NRP2: variants seen among roughly 807,000 people sequenced by gnomAD.
The protein encoded by NRP2 is neuropilin 2, also known as neuropilin-2.
In NRP2, 52 loss-of-function variants were observed where a neutral mutation model predicts 110.4. The ratio of observed to expected loss-of-function variants is 0.47; its 90% CI spans 0.38 to 0.59. The LOEUF (loss-of-function observed/expected upper bound fraction) is 0.59, where lower values mean the gene tolerates loss of function less well. NRP2 is among the 20% of genes least tolerant of loss of function. The pLI is 0.00. For synonymous variants in NRP2, 508 were observed against 468.9 expected (o/e 1.08, Z -1.08); for missense variants, 1,049 against 1,203.0 (o/e 0.87, Z 1.89).
intron 15 of NRP2, chr2:205,776,294 T>C (rs746542729): frequency 1.9e-6 from 3 of 1,613,268 alleles, no homozygotes; most frequent in Non-Finnish European, 2.5e-6. Flanking sequence ...ACGGTGCCCA[T>C]GCAGCCCATC....
chr2:205,795,187 G>A lies in NRP2; in HGVS notation c.*129G>A. The A allele has an allele frequency of 1.0e-6, 1 of 976,280 alleles. No individual in the cohort carries two copies. Among genetic ancestry groups the A allele is most frequent in the Non-Finnish European group, 1.6e-6 (1 of 636,274 alleles). The allele number at this position is 976,280 out of a possible 1,614,324, so 60.5% of individuals were successfully genotyped here. A position where few individuals can be genotyped will look rare whatever the true frequency, so the allele number is the denominator to read the frequency against. ...AACCGATCCAGAATACCGAAGGTAT[G>A]GACAGGACAGAAAAGCGAGTCGCAG... is the stretch of plus-strand genomic sequence containing the variant. On this transcript the variant is annotated 3_prime_UTR_variant, in exon 17 of 17. Coordinates refer to ENST00000357785, the MANE Select transcript of NRP2 (RefSeq NM_003872.3).
chr2:205,733,413 T>C (rs1021739312), intron 7 of NRP2, among the ~76,000 whole-genome samples: 1 of 152,162 alleles, frequency 6.6e-6, no homozygotes, highest in African/African-American at 2.4e-5. Context: ...TGTGGAATCA[T>C]GTTCCTTGCC....
chr2:205,757,869 A>G (rs1014935033), intron 12 of NRP2, among the ~76,000 whole-genome samples: 7 of 151,066 alleles, frequency 4.6e-5, no homozygotes, highest in Admixed American at 2.6e-4. Context: ...GCAGAAAAAA[A>G]TAACAGCAGG....
chr2:205,743,337 C>T lies in NRP2; in HGVS notation c.1426C>T (p.Pro476Ser), dbSNP rs546952277. The T allele has an allele frequency of 6.2e-7, 1 of 1,614,228 alleles. No individual in the cohort carries two copies. Among genetic ancestry groups the T allele is most frequent in the South Asian group, 1.1e-5 (1 of 91,084 alleles). The change falls in exon 9 of 17, where the codon CCT becomes TCT. Residue 476 changes from proline (P) to serine (S), a missense_variant. Coordinates refer to ENST00000357785, the MANE Select transcript of NRP2 (RefSeq NM_003872.3). ...GGTTAGCAGCCGCTCGGGCTGGTTC[C>T]CTCGAATCCCTCAGGCCCAGCCCGG... ...RLVSSRSGWF[P>S]RIPQAQPGEE...
intron 14 of NRP2, among the ~76,000 whole-genome samples, chr2:205,766,115 G>A (rs2057913495): frequency 6.6e-6 from 1 of 152,180 alleles, no homozygotes; most frequent in South Asian, 2.1e-4. Context: ...GTTGTTGTAG[G>A]ATTAAACATT....
At chr2:205,737,677 C>T (rs937833411) in intron 7 of NRP2, among the ~76,000 whole-genome samples, 3 of 152,198 alleles carry the variant, frequency 2.0e-5, no homozygotes, top group Non-Finnish European at 1.5e-5. Context: ...GGCTTGGAAA[C>T]GTGAAGGGTA....
chr2:205,749,971 G>A, intron 11 of NRP2, 130 bp downstream of exon 11: 1 of 763,812 alleles, frequency 1.3e-6, no homozygotes, highest in Non-Finnish European at 2.3e-6. Flanking sequence ...TGGTAAGAGA[G>A]GTGGGGGCAC....
intron 2 of NRP2, 26 bp downstream of exon 2, chr2:205,697,747 T>G: frequency 6.2e-7 from 1 of 1,608,908 alleles, no homozygotes; most frequent in Non-Finnish European, 8.5e-7. Flanking sequence ...TCCCACTGTG[T>G]ATCCCATCCA....
intron 15 of NRP2, among the ~76,000 whole-genome samples, chr2:205,770,431 G>T (rs150810997): frequency 2.8e-4 from 42 of 152,020 alleles, no homozygotes; most frequent in African/African-American, 9.7e-4. Context: ...CTATTCCTTA[G>T]GCTTTAAGTT....
rs574686037 is a variant in NRP2 at position 205,763,454 on chromosome 2, G to A, written c.2045-220G>A. ...AAATGATACCGAGAAATAGGCAGGAGGGACCGATTTGACTTAGAGACTCTT... is the reference window on the plus strand; with the variant it reads ...AAATGATACCGAGAAATAGGCAGGAAGGACCGATTTGACTTAGAGACTCTT... On this transcript the variant is annotated intron_variant, in intron 12 of 16. Transcript: ENST00000357785. This position sits in a 1 kb window ranked among gnomAD's most constrained non-coding sequence, Gnocchi z 4.0. 2.6e-5 allele frequency among the ~76,000 whole-genome samples: 4 copies of A among 152,216 alleles called. No individual in the cohort carries two copies. The highest frequency in any genetic ancestry group is 2.1e-4 in the South Asian group (1 of 4,786).
chr2:205,737,292 C>G (rs963225776), intron 7 of NRP2, among the ~76,000 whole-genome samples: 1 of 152,164 alleles, frequency 6.6e-6, no homozygotes, highest in Non-Finnish European at 1.5e-5. Flanking sequence ...CTAAAGTGCC[C>G]TGTTGCAAAA....
At position 205,722,514 on chromosome 2, in the gene NRP2, A is replaced by G. The variant is rs547293929; in HGVS notation, c.470A>G (p.Asn157Ser). 5.6e-6 allele frequency: 9 copies of G among 1,614,090 alleles called. No homozygotes were observed. Among genetic ancestry groups the G allele is most frequent in the African/African-American group, 1.3e-5 (1 of 74,934 alleles). Residue 157 changes from asparagine (N) to serine (S), a missense_variant, in exon 4 of 17, where the codon AAC becomes AGC. Physicochemically the swap from Asn to Ser is conservative, Grantham distance 46. Transcript: ENST00000357785. ...TGCTCAAAAAACTTCACAAGCCCCA[A>G]CGGGACCATCGAATCTCCTGGGTTT... The part of the protein sequence containing the change: ...EDCSKNFTSP[N>S]GTIESPGFPE...
Position 205,686,302 on chromosome 2 carries a change from G to A in NRP2, c.73+2939G>A, listed in dbSNP as rs2056161724. Among the ~76,000 whole-genome samples, 1 of 152,136 alleles carries A rather than the reference G, an allele frequency of 6.6e-6. No individual in the cohort carries two copies. The highest frequency in any genetic ancestry group is 2.4e-5 in the African/African-American group (1 of 41,426). On this transcript the variant is annotated intron_variant, in intron 1 of 16. Coordinates refer to ENST00000357785, the MANE Select transcript of NRP2 (RefSeq NM_003872.3). The surrounding 1 kb of genome is among the most constrained non-coding windows in gnomAD (Gnocchi z 4.7). ...AACGCTGCCCTATGCCGGAAAGTTA[G>A]GTCTCGGCTGCAGCGCTGGTCTCTG...
chr2:205,686,384 C>A lies in NRP2; in HGVS notation c.73+3021C>A, dbSNP rs909872640. Reference sequence around the variant, plus strand: ...TCCCGCCTCCCCTCCCCAGCCGCCTCGCTCTTTGCTTTTCCACGTGAGAAA... The same window carrying A: ...TCCCGCCTCCCCTCCCCAGCCGCCTAGCTCTTTGCTTTTCCACGTGAGAAA... On this transcript the variant is annotated intron_variant, in intron 1 of 16. Coordinates refer to ENST00000357785, the MANE Select transcript of NRP2 (RefSeq NM_003872.3). This position sits in a 1 kb window ranked among gnomAD's most constrained non-coding sequence, Gnocchi z 4.7. 5.3e-5 allele frequency among the ~76,000 whole-genome samples: 8 copies of A among 152,128 alleles called. No individual in the cohort carries two copies. The highest frequency in any genetic ancestry group is 1.7e-4 in the African/African-American group (7 of 41,428).
At chr2:205,760,734 A>T (rs1290521505) in intron 12 of NRP2, 2 of 152,216 alleles carry the variant, frequency 1.3e-5, no homozygotes, top group Non-Finnish European at 2.9e-5. Context: ...AAGGGTAAGT[A>T]GAACAGACCC....
chr2:205,709,978 C>A (rs530025993), intron 2 of NRP2, among the ~76,000 whole-genome samples: 2 of 152,328 alleles, frequency 1.3e-5, no homozygotes, highest in African/African-American at 4.8e-5. Context: ...GTCTTGAAAT[C>A]ATGGATTCCA....
chr2:205,705,331 T>A (rs998261949), intron 2 of NRP2, among the ~76,000 whole-genome samples: 9 of 152,130 alleles, frequency 5.9e-5, no homozygotes, highest in African/African-American at 1.9e-4. Flanking sequence ...ATAATCAAAA[T>A]TTTTTTCCTA....
chr2:205,748,831 C>G (rs1430643701), intron 10 of NRP2, among the ~76,000 whole-genome samples: 2 of 152,278 alleles, frequency 1.3e-5, no homozygotes, highest in East Asian at 3.9e-4. Context: ...ACTCATAGCT[C>G]CATTCACTCC....
At chr2:205,693,220 C>T (rs570123566) in intron 1 of NRP2, among the ~76,000 whole-genome samples, 1 of 152,232 alleles carries the variant, frequency 6.6e-6, no homozygotes, top group Admixed American at 6.5e-5. Context: ...GGAAATGAGA[C>T]CGATTGCTTT....
Sources: gnomAD v4.1 joint callset for allele counts (sites outside exome capture counted in the v4.1 genomes callset) on GRCh38, gnomAD v4.1.1 for gene constraint, Gnocchi (gnomAD v3.1) non-coding constraint, MANE v1.5 for transcripts, NCBI Gene and HGNC (gene_info 2026-07-23, HGNC 2026-07-21) for gene names.